ADAMTS16: variants seen among roughly 807,000 people sequenced by gnomAD.
The protein encoded by ADAMTS16 is ADAM metallopeptidase with thrombospondin type 1 motif 16, also known as A disintegrin and metalloproteinase with thrombospondin motifs 16.
In ADAMTS16, 94 loss-of-function variants were observed where a neutral mutation model predicts 145.8. The ratio of observed to expected loss-of-function variants is 0.64; its 90% CI spans 0.55 to 0.77. The LOEUF is 0.77. ADAMTS16 is among the 30% of genes least tolerant of loss of function. The pLI is 0.00. For synonymous variants in ADAMTS16, 659 were observed against 604.3 expected, an observed-to-expected ratio of 1.09 and a Z score of -1.33; for missense variants, 1,585 against 1,591.5, an observed-to-expected ratio of 1.00 and a Z score of 0.07.
At chr5:5,294,990 T>C (rs6555343) in intron 18 of ADAMTS16, among the ~76,000 whole-genome samples, 72,910 of 151,908 alleles carry the variant, frequency 0.48, 18,204 homozygotes, top group Non-Finnish European at 0.55. Context: ...AAAAAGTAGA[T>C]AGAGGGAAAA....
chr5:5,182,175 C>G lies in ADAMTS16; in HGVS notation c.633C>G (p.Pro211=). The change falls in exon 4 of 23, where the codon CCC becomes CCG. Residue 211 remains proline, a synonymous_variant. Coordinates refer to ENST00000274181, the MANE Select transcript of ADAMTS16 (RefSeq NM_139056.4). ...TACTGTACAAGAGATCCACAGAGCC[C>G]CATGCTCCTGGGGCCAGTGAGGTCC... ...SHVLYKRSTE[P]HAPGASEVLV... 6.2e-7 allele frequency: 1 copy of G among 1,614,164 alleles called. No individual in the cohort carries two copies. Among genetic ancestry groups the G allele is most frequent in the African/African-American group, 1.3e-5 (1 of 75,042 alleles).
chr5:5,280,705 CTAATT>C (rs2126470911), intron 18 of ADAMTS16, among the ~76,000 whole-genome samples: 1 of 152,020 alleles, frequency 6.6e-6, no homozygotes, highest in South Asian at 2.1e-4. Context: ...AAAGCGCCAC[CTAATT>C]AGTCATAAGA....
At chr5:5,294,050 A>G (rs1217360730) in intron 18 of ADAMTS16, among the ~76,000 whole-genome samples, 1 of 152,152 alleles carries the variant, frequency 6.6e-6, no homozygotes, top group African/African-American at 2.4e-5. Flanking sequence ...CATATATTAT[A>G]GTAATGTTGT....
At chr5:5,197,632 G>C (rs934816308) in intron 8 of ADAMTS16, among the ~76,000 whole-genome samples, 2 of 152,196 alleles carry the variant, frequency 1.3e-5, no homozygotes, top group African/African-American at 4.8e-5. Context: ...ATATTCTCTG[G>C]TCTGCATAAT....
At chr5:5,141,843 CT>C (rs1176879143) in intron 2 of ADAMTS16, among the ~76,000 whole-genome samples, 1 of 151,912 alleles carries the variant, frequency 6.6e-6, no homozygotes, top group Non-Finnish European at 1.5e-5. Flanking sequence ...ACCATAGTAC[CT>C]TTTTGAGAAC....
chr5:5,318,136 C>A lies in ADAMTS16; in HGVS notation c.3414C>A (p.Cys1138Ter). The A allele has an allele frequency of 1.4e-6, 2 of 1,464,580 alleles. No homozygotes were observed. The highest frequency in any genetic ancestry group is 1.4e-5 in the South Asian group (1 of 69,092). 90.7% of individuals were successfully genotyped at this position (1,464,580 alleles called of 1,614,324 possible). ...GSWFASPWSQ[C>*]TASCGGGVQT... ...ACATGTGTGTGTTGCTCTCACAGTG[C>A]ACGGCCAGCTGTGGGGGAGGCGTTC... The change falls in exon 22 of 23, where the codon TGC becomes TGA. Residue 1138 changes from cysteine to a stop codon, truncating the protein, a stop_gained and splice_region_variant. Coordinates refer to ENST00000274181, the MANE Select transcript of ADAMTS16 (RefSeq NM_139056.4). LOFTEE classifies it high-confidence loss of function.
intron 22 of ADAMTS16, among the ~76,000 whole-genome samples, 179 bp downstream of exon 22, chr5:5,318,460 G>C (rs530331457): frequency 6.6e-6 from 1 of 152,270 alleles, no homozygotes; most frequent in Non-Finnish European, 1.5e-5. Flanking sequence ...TGCCTCTCAT[G>C]ATGCCCCAGG....
chr5:5,305,408 AC>A (rs1740081737), intron 20 of ADAMTS16, among the ~76,000 whole-genome samples: 1 of 65,242 alleles, frequency 1.5e-5, no homozygotes, highest in Non-Finnish European at 3.1e-5. Context: ...ACACACACAC[AC>A]ATCCCACACC....
chr5:5,319,289 A>G lies in ADAMTS16; in HGVS notation c.*151A>G. The G allele has an allele frequency of 1.5e-6, 1 of 647,176 alleles. No homozygotes were observed. Among genetic ancestry groups the G allele is most frequent in the Non-Finnish European group, 2.7e-6 (1 of 365,202 alleles). The allele number at this position is 647,176 out of a possible 1,614,324, so 40.1% of individuals were successfully genotyped here. On this transcript the variant is annotated 3_prime_UTR_variant, in exon 23 of 23. Transcript: ENST00000274181. ...AGGCTCTTTGACCAGGAGTGTATGTATGTGTTTCACTGTGAGCCTGGGTGC... is the reference window on the plus strand; with the variant it reads ...AGGCTCTTTGACCAGGAGTGTATGTGTGTGTTTCACTGTGAGCCTGGGTGC...
chr5:5,141,075 T>C (rs915036142), intron 2 of ADAMTS16, among the ~76,000 whole-genome samples: 2 of 152,216 alleles, frequency 1.3e-5, no homozygotes, highest in African/African-American at 4.8e-5. Context: ...TATTAATGTA[T>C]GCATCAAAGC....
At chr5:5,278,551 A>G (rs965007054) in intron 18 of ADAMTS16, among the ~76,000 whole-genome samples, 1 of 152,220 alleles carries the variant, frequency 6.6e-6, no homozygotes, top group Admixed American at 6.5e-5. Context: ...GAAGCTAATG[A>G]TTGCCTGACT....
chr5:5,212,567 T>C (rs1280565291), intron 10 of ADAMTS16, among the ~76,000 whole-genome samples: 1 of 152,214 alleles, frequency 6.6e-6, no homozygotes, highest in Non-Finnish European at 1.5e-5. Flanking sequence ...AATATTACTT[T>C]GCTTGATTTC....
At chr5:5,147,078 C>T (rs1820658) in intron 3 of ADAMTS16, among the ~76,000 whole-genome samples, 137,292 of 152,214 alleles carry the variant, frequency 0.9, 61,927 homozygotes, top group African/African-American at 0.93. Context: ...GACGCTAGAG[C>T]CGGGGGCTTA....
At position 5,262,997 on chromosome 5, in the gene ADAMTS16, C is replaced by G. The variant is rs561700083; in HGVS notation, c.2789+214C>G. Among the ~76,000 whole-genome samples the G allele has an allele frequency of 3.9e-5, 6 of 152,310 alleles. No individual in the cohort carries two copies. The South Asian group carries it at 1.2e-3, about 32-fold the overall frequency. On this transcript the variant is annotated intron_variant, in intron 18 of 22. Transcript: ENST00000274181. ...GGAAATTCTTGTGACTGTAAGTGGA[C>G]ATTCTTAGAATGGCGTCCTGTTTGT...
At chr5:5,266,405 G>A (rs1434734925) in intron 18 of ADAMTS16, among the ~76,000 whole-genome samples, 2 of 152,172 alleles carry the variant, frequency 1.3e-5, no homozygotes, top group African/African-American at 4.8e-5. Context: ...GTGACCCCAG[G>A]GCAGCAGAGA....
chr5:5,203,742 T>C (rs1736016881), intron 9 of ADAMTS16, among the ~76,000 whole-genome samples: 1 of 152,192 alleles, frequency 6.6e-6, no homozygotes, highest in South Asian at 2.1e-4. Context: ...CAGGGACTCA[T>C]CTTCAGTTAC....
Position 5,234,997 on chromosome 5 carries a change from C to A in ADAMTS16, c.1851-17C>A, listed in dbSNP as rs1039457416. 1.3e-6 allele frequency: 2 copies of A among 1,520,414 alleles called. No individual in the cohort carries two copies. The highest frequency in any genetic ancestry group is 8.9e-7 in the Non-Finnish European group (1 of 1,124,608). The allele number at this position is 1,520,414 out of a possible 1,614,324, so 94.2% of individuals were successfully genotyped here. A position where few individuals can be genotyped will look rare whatever the true frequency, so the allele number is the denominator to read the frequency against. ...TACTAAAATATAAAAATTCTAACTT[C>A]AAAATACACATTCCAGGCCATCGCA... is the stretch of plus-strand genomic sequence containing the variant. On this transcript the variant is annotated splice_polypyrimidine_tract_variant and intron_variant, in intron 12 of 22. Coordinates refer to ENST00000274181, the MANE Select transcript of ADAMTS16 (RefSeq NM_139056.4).
intron 3 of ADAMTS16, among the ~76,000 whole-genome samples, chr5:5,175,646 C>A (rs1334664352): frequency 6.6e-6 from 1 of 152,178 alleles, no homozygotes; most frequent in African/African-American, 2.4e-5. Context: ...AGCACTTTCA[C>A]CCACAGTGGC....
At chr5:5,251,020 C>G (rs1341146050) in intron 17 of ADAMTS16, among the ~76,000 whole-genome samples, 1 of 152,108 alleles carries the variant, frequency 6.6e-6, no homozygotes, top group African/African-American at 2.4e-5. Context: ...GGGGCCTCCT[C>G]CCCAGTGTCC....
Sources: allele counts gnomAD v4.1 joint callset (sites outside exome capture counted in the v4.1 genomes callset), GRCh38; gene constraint gnomAD v4.1.1; transcripts MANE v1.5; gene names NCBI Gene and HGNC (gene_info 2026-07-23, HGNC 2026-07-21).